Variants in FAM200B observed in about 807,000 individuals in gnomAD.
The protein encoded by FAM200B is protein FAM200B.
In FAM200B, 32 loss-of-function variants were observed where a neutral mutation model predicts 33.1. The observed-to-expected ratio is 0.97, with a 90% confidence interval of 0.73 to 1.30. The LOEUF is 1.30. Ranked by LOEUF, FAM200B falls within the 50% of genes most tolerant of loss-of-function variation. The pLI is 0.00. For synonymous variants in FAM200B, 240 were observed against 264.8 expected (o/e 0.91, Z 0.91); for missense variants, 741 against 754.0 (o/e 0.98, Z 0.20).
chr4:15,646,853 T>C, the FAM200B span, among the ~76,000 whole-genome samples: 3 of 151,982 alleles, frequency 2.0e-5, no homozygotes, highest in Non-Finnish European at 4.4e-5. Flanking sequence ...AGCTTCTAGA[T>C]ATTATTTTTT....
At chr4:15,659,730 G>A in the FAM200B span, 3 of 984,872 alleles carry the variant, frequency 3.0e-6, no homozygotes, top group South Asian at 4.7e-5. Flanking sequence ...CACCTACCTT[G>A]CGTCATTTAC....
the FAM200B span, among the ~76,000 whole-genome samples, chr4:15,656,939 T>C: frequency 6.7e-6 from 1 of 150,086 alleles, no homozygotes; most frequent in African/African-American, 2.4e-5. Context: ...TAAATCTGGA[T>C]CTGACAGTAC....
the FAM200B span, among the ~76,000 whole-genome samples, chr4:15,653,074 CAAG>C: frequency 6.6e-6 from 1 of 152,130 alleles, no homozygotes. Context: ...CTATCAGTAT[CAAG>C]AAGAAATCCA....
the FAM200B span, among the ~76,000 whole-genome samples, chr4:15,652,480 TC>T: frequency 1.3e-5 from 2 of 152,164 alleles, no homozygotes; most frequent in Non-Finnish European, 2.9e-5. Context: ...GAAAAACCTT[TC>T]CATAAAACTT....
chr4:15,674,308 C>T, the FAM200B span, among the ~76,000 whole-genome samples: 1 of 151,078 alleles, frequency 6.6e-6, no homozygotes, highest in East Asian at 1.9e-4. Context: ...TGTAGTACCG[C>T]TATTGGTACT....
At chr4:15,637,571 T>C in the FAM200B span, among the ~76,000 whole-genome samples, 1 of 152,202 alleles carries the variant, frequency 6.6e-6, no homozygotes, top group South Asian at 2.1e-4. Flanking sequence ...CAATTTGCTT[T>C]GAAGGAGTGG....
At chr4:15,675,374 C>T in the FAM200B span, among the ~76,000 whole-genome samples, 4 of 152,226 alleles carry the variant, frequency 2.6e-5, no homozygotes, top group East Asian at 5.8e-4. Flanking sequence ...AAATGACCAA[C>T]TACTACTATA....
upstream of FAM200B, chr4:15,681,417 A>T: frequency 5.8e-6 from 1 of 173,554 alleles, no homozygotes; most frequent in South Asian, 1.5e-4. Flanking sequence ...CTGCTGCGCC[A>T]ACCGAAAGGC....
the FAM200B span, among the ~76,000 whole-genome samples, chr4:15,675,373 A>G: frequency 6.6e-6 from 1 of 152,172 alleles, no homozygotes; most frequent in Non-Finnish European, 1.5e-5. Context: ...TAAATGACCA[A>G]CTACTACTAT....
At chr4:15,680,309 G>A (rs1306817483), upstream of FAM200B, among the ~76,000 whole-genome samples, 2 of 152,158 alleles carry the variant, frequency 1.3e-5, no homozygotes, top group African/African-American at 4.8e-5. Context: ...GTTTCTTGCT[G>A]CATTTCTTTT....
chr4:15,653,387 C>T, the FAM200B span, among the ~76,000 whole-genome samples: 5 of 152,136 alleles, frequency 3.3e-5, no homozygotes, highest in African/African-American at 9.7e-5. Context: ...AGAAAAAGAG[C>T]GACTAACTTC....
the FAM200B span, among the ~76,000 whole-genome samples, chr4:15,676,487 AT>A: frequency 4.3e-3 from 657 of 152,374 alleles, 3 homozygotes; most frequent in African/African-American, 0.015. Flanking sequence ...AGAGACAAAG[AT>A]ATATCAATAA....
chr4:15,684,558 G>A (rs1039063206), intron 1 of FAM200B: 15 of 152,312 alleles, frequency 9.8e-5, no homozygotes, highest in Admixed American at 8.5e-4. Flanking sequence ...ATTAAAACAT[G>A]TTAGCATCCT....
chr4:15,687,878 A>G lies in FAM200B; in HGVS notation c.901A>G (p.Thr301Ala). Residue 301 changes from threonine (T) to alanine (A), a missense_variant, in exon 2 of 2, where the codon ACC becomes GCC. By Grantham distance (58) the Thr-to-Ala change is moderately conservative. Coordinates refer to ENST00000422728, the MANE Select transcript of FAM200B (RefSeq NM_001145191.2). ...CKGITSDGTA[T>A]MTGKHSRVIK... is the part of the protein sequence containing the mutation. ...AGGAATTACAAGTGATGGCACAGCA[A>G]CCATGACTGGAAAACATAGCAGAGT... 6.4e-7 allele frequency: 1 copy of G among 1,551,242 alleles called. No homozygotes were observed. Among genetic ancestry groups the G allele is most frequent in the Non-Finnish European group, 8.7e-7 (1 of 1,146,660 alleles).
chr4:15,684,065 G>A (rs566887020), intron 1 of FAM200B, among the ~76,000 whole-genome samples: 3 of 152,222 alleles, frequency 2.0e-5, no homozygotes, highest in Non-Finnish European at 4.4e-5. Flanking sequence ...GGGAGGCTAA[G>A]TAGATGGATA....
the FAM200B span, among the ~76,000 whole-genome samples, chr4:15,664,947 GATTC>G: frequency 3.3e-3 from 504 of 152,146 alleles, 1 homozygote; most frequent in Non-Finnish European, 5.2e-3. Context: ...GAATCTTAAT[GATTC>G]ATTAAGTTTA....
chr4:15,641,559 T>C, the FAM200B span: 4 of 454,708 alleles, frequency 8.8e-6, no homozygotes, highest in South Asian at 6.3e-5. Flanking sequence ...ATTTTACATA[T>C]AATACATGAA....
chr4:15,639,021 G>A, the FAM200B span, among the ~76,000 whole-genome samples: 2 of 152,108 alleles, frequency 1.3e-5, no homozygotes, highest in East Asian at 1.9e-4. Context: ...AGAAGTAGCC[G>A]GGCGTGGTGG....
At chr4:15,685,477 T>C (rs956129859) in intron 1 of FAM200B, among the ~76,000 whole-genome samples, 54 of 152,252 alleles carry the variant, frequency 3.5e-4, no homozygotes, top group African/African-American at 1.3e-3. Context: ...AGTTGCCTGG[T>C]AGCTGGTCTG....
Sources: gnomAD v4.1 joint callset for allele counts (sites outside exome capture counted in the v4.1 genomes callset) on GRCh38, gnomAD v4.1.1 for gene constraint, MANE v1.5 for transcripts, NCBI Gene and HGNC (gene_info 2026-07-23, HGNC 2026-07-21) for gene names.